The following CLASP2 variants were observed in gnomAD, a reference collection of about 807,000 sequenced individuals.
CLASP2 encodes CLIP-associating protein 2.
Under a neutral mutation model 194.4 loss-of-function variants are expected in CLASP2, and 47 were observed. That is an observed-to-expected ratio of 0.24 (90% CI 0.19 to 0.31). The LOEUF (loss-of-function observed/expected upper bound fraction) is 0.31. CLASP2 is among the 10% of genes least tolerant of loss of function. The pLI, the probability that CLASP2 is intolerant of heterozygous loss-of-function variation, is 1.00. For synonymous variants in CLASP2, 619 were observed against 633.5 expected (o/e 0.98, Z 0.34); for missense variants, 1,445 against 1,823.6 (o/e 0.79, Z 3.78).
chr3:33,636,284 G>C (rs1439465976), intron 8 of CLASP2, among the ~76,000 whole-genome samples: 3 of 151,772 alleles, frequency 2.0e-5, no homozygotes, highest in Non-Finnish European at 2.9e-5. Context: ...TTTTTTCCTG[G>C]CCCCACGGAA....
intron 1 of CLASP2, among the ~76,000 whole-genome samples, chr3:33,697,468 C>T (rs571460714): frequency 1.3e-5 from 2 of 152,288 alleles, no homozygotes; most frequent in East Asian, 3.9e-4. Context: ...AATGCAAGCA[C>T]AACATTGCAA....
intron 7 of CLASP2, among the ~76,000 whole-genome samples, chr3:33,657,377 T>C (rs1470142277): frequency 6.6e-6 from 1 of 152,154 alleles, no homozygotes; most frequent in Non-Finnish European, 1.5e-5. Flanking sequence ...GCTGAAATGT[T>C]ACCCTCTGAT....
chr3:33,670,259 A>G (rs151261513), intron 6 of CLASP2, among the ~76,000 whole-genome samples: 3 of 152,278 alleles, frequency 2.0e-5, no homozygotes, highest in African/African-American at 7.2e-5. Flanking sequence ...TACTTTTAGG[A>G]AGAGAAGAGG....
intron 6 of CLASP2, among the ~76,000 whole-genome samples, chr3:33,681,828 T>C (rs931141133): frequency 6.6e-6 from 1 of 152,142 alleles, no homozygotes; most frequent in Non-Finnish European, 1.5e-5. Flanking sequence ...ATGGGAGGTG[T>C]TTGGGTCATG....
intron 26 of CLASP2, among the ~76,000 whole-genome samples, chr3:33,567,064 T>C (rs1041521278): frequency 6.6e-6 from 1 of 152,194 alleles, no homozygotes; most frequent in Non-Finnish European, 1.5e-5. Flanking sequence ...AATCCAAGAA[T>C]AATAGACACA....
intron 7 of CLASP2, among the ~76,000 whole-genome samples, chr3:33,652,280 A>T (rs990539001): frequency 2.6e-5 from 4 of 152,146 alleles, no homozygotes; most frequent in Non-Finnish European, 5.9e-5. Context: ...AAGACTTGGG[A>T]TTTCTGAGCT....
intron 34 of CLASP2, among the ~76,000 whole-genome samples, chr3:33,528,213 C>CA (rs774948090): frequency 3.3e-5 from 5 of 151,906 alleles, no homozygotes; most frequent in Non-Finnish European, 7.4e-5. Flanking sequence ...TCAATAGACA[C>CA]AAAAAAAGAC....
chr3:33,615,760 A>C (rs2076042600), intron 12 of CLASP2, among the ~76,000 whole-genome samples: 1 of 152,104 alleles, frequency 6.6e-6, no homozygotes, highest in Admixed American at 6.5e-5. Flanking sequence ...CATACAACCA[A>C]ATTCCCTGAT....
chr3:33,670,487 G>A (rs1203077964), intron 6 of CLASP2, among the ~76,000 whole-genome samples: 1 of 152,120 alleles, frequency 6.6e-6, no homozygotes, highest in African/African-American at 2.4e-5. Flanking sequence ...TAAGAAGCTT[G>A]GAAAGTTGCT....
At chr3:33,571,003 C>G (rs1452814743) in intron 25 of CLASP2, among the ~76,000 whole-genome samples, 1 of 143,274 alleles carries the variant, frequency 7.0e-6, no homozygotes, top group Non-Finnish European at 1.5e-5. Flanking sequence ...TGGCAAGATC[C>G]TGTCTCTATA....
chr3:33,670,746 T>C (rs2087006985), intron 6 of CLASP2, among the ~76,000 whole-genome samples: 1 of 152,116 alleles, frequency 6.6e-6, no homozygotes, highest in Non-Finnish European at 1.5e-5. Flanking sequence ...TGGACAACTC[T>C]TGAGAGTTAA....
intron 34 of CLASP2, 93 bp from the exon 35 acceptor site, chr3:33,517,267 A>G (rs2051584629): frequency 1.1e-6 from 1 of 919,562 alleles, no homozygotes; most frequent in Non-Finnish European, 1.6e-6. Context: ...ACACAGATAT[A>G]ACCATCATGT....
intron 2 of CLASP2, 125 bp from the exon 3 acceptor site, chr3:33,690,057 T>C: frequency 5.4e-6 from 3 of 553,404 alleles, no homozygotes; most frequent in Non-Finnish European, 5.9e-6. Context: ...AAGAAATTGT[T>C]TTAAGTTCTT....
intron 37 of CLASP2, 194 bp from the exon 38 acceptor site, chr3:33,501,962 G>GC (rs2046952781): frequency 7.5e-6 from 4 of 532,090 alleles, no homozygotes; most frequent in Non-Finnish European, 1.0e-5. Flanking sequence ...CCCCTACTGC[G>GC]CCCTCACTGT....
intron 6 of CLASP2, among the ~76,000 whole-genome samples, chr3:33,681,585 A>C (rs537810065): frequency 2.6e-5 from 4 of 152,344 alleles, no homozygotes; most frequent in Admixed American, 6.5e-5. Context: ...AGAATGGGGG[A>C]AACTTCACAG....
chr3:33,497,753 G>T lies in CLASP2; in HGVS notation c.*878C>A, dbSNP rs1019659082. On this transcript the variant is annotated 3_prime_UTR_variant, in exon 39 of 39. Transcript: ENST00000682230. ...GACGGTCAAGGACACACACGCACTTGATTTTTTTTGTCCGTTTCCATTATC... is the reference window on the plus strand; with the variant it reads ...GACGGTCAAGGACACACACGCACTTTATTTTTTTTGTCCGTTTCCATTATC... 3.3e-5 allele frequency: 5 copies of T among 152,440 alleles called. No homozygotes were observed. The highest frequency in any genetic ancestry group is 1.9e-4 in the East Asian group (1 of 5,194). The allele number at this position is 152,440 out of a possible 1,614,324, so 9.4% of individuals were successfully genotyped here. A position where few individuals can be genotyped will look rare whatever the true frequency, so the allele number is the denominator to read the frequency against.
intron 26 of CLASP2, among the ~76,000 whole-genome samples, chr3:33,568,884 T>C (rs1035513253): frequency 4.6e-5 from 7 of 152,130 alleles, no homozygotes; most frequent in African/African-American, 1.7e-4. Context: ...ATTTAAAAAA[T>C]ATCAGAATAC....
intron 7 of CLASP2, among the ~76,000 whole-genome samples, chr3:33,653,708 G>T (rs2083624448): frequency 6.6e-6 from 1 of 152,074 alleles, no homozygotes; most frequent in Non-Finnish European, 1.5e-5. Flanking sequence ...GGATAGCAGG[G>T]CTGGGAAAAG....
chr3:33,622,022 T>C, intron 11 of CLASP2, 113 bp downstream of exon 11: 2 of 774,650 alleles, frequency 2.6e-6, no homozygotes, highest in Non-Finnish European at 3.7e-6. Context: ...AAAATGATTT[T>C]TGGATCATAT....
Sources: allele counts gnomAD v4.1 joint callset (sites outside exome capture counted in the v4.1 genomes callset), GRCh38; gene constraint gnomAD v4.1.1; transcripts MANE v1.5; gene names NCBI Gene and HGNC (gene_info 2026-07-23, HGNC 2026-07-21).